DOCK9: variants seen among roughly 807,000 people sequenced by gnomAD.
DOCK9 encodes dedicator of cytokinesis 9.
A neutral mutation model predicts 263.3 loss-of-function variants in DOCK9; 89 were observed. The observed-to-expected ratio is 0.34, with a 90% CI of 0.28 to 0.40. The LOEUF (loss-of-function observed/expected upper bound fraction) is 0.40. Among genes scored for constraint, DOCK9 ranks in the 10% least tolerant of loss-of-function variants. The pLI is 1.00. For synonymous variants in DOCK9, 976 were observed against 973.1 expected (o/e 1.00, Z -0.06); for missense variants, 2,140 against 2,603.4 (o/e 0.82, Z 3.87).
intron 39 of DOCK9, among the ~76,000 whole-genome samples, chr13:98,835,367 G>A (rs940708343): frequency 3.3e-5 from 5 of 152,310 alleles, no homozygotes; most frequent in African/African-American, 7.2e-5. Context: ...TGGACCTCTC[G>A]TATCTGTGAG....
chr13:98,895,399 G>A (rs903501447), intron 15 of DOCK9, among the ~76,000 whole-genome samples: 4 of 152,120 alleles, frequency 2.6e-5, no homozygotes, highest in Non-Finnish European at 5.9e-5. Flanking sequence ...GGGCACGGTG[G>A]CTCATGCCTG....
At chr13:98,977,411 G>A (rs1875181931) in intron 1 of DOCK9, among the ~76,000 whole-genome samples, 1 of 152,098 alleles carries the variant, frequency 6.6e-6, no homozygotes, top group African/African-American at 2.4e-5. Flanking sequence ...CATAAATAAC[G>A]TAGAAAAGGT....
chr13:98,867,393 T>G, intron 30 of DOCK9, 32 bp downstream of exon 30: 1 of 1,181,600 alleles, frequency 8.5e-7, no homozygotes, highest in Admixed American at 2.1e-5. Flanking sequence ...TCTCTGTTTG[T>G]GAAAAGGTTA....
At chr13:99,084,032 A>C (rs892662366) in intron 1 of DOCK9, among the ~76,000 whole-genome samples, 1 of 152,226 alleles carries the variant, frequency 6.6e-6, no homozygotes, top group African/African-American at 2.4e-5. Context: ...TGCACAGACC[A>C]TGGGATTCTG....
chr13:98,993,053 T>G (rs1238731067), intron 1 of DOCK9, among the ~76,000 whole-genome samples: 2 of 151,938 alleles, frequency 1.3e-5, no homozygotes, highest in African/African-American at 2.4e-5. Context: ...GACAGAAAGG[T>G]AGGTGGAATC....
In DOCK9 at chr13:98,888,483, C is replaced by T. The variant is rs1277012825; in HGVS notation, c.1854G>A (p.Thr618=). The change falls in exon 17 of 53, where the codon ACG becomes ACA. Residue 618 remains threonine, a synonymous_variant. Coordinates refer to ENST00000682017, the MANE Select transcript of DOCK9 (RefSeq NM_001366683.2). ...QFETCSKTPI[T]FEVEEFVPCI... is the part of the protein sequence containing the mutation. ...AGGGCACAAATTCCTCCACTTCAAA[C>T]GTGATGGGAGTTTTACTGCAGGTTT... The T allele has an allele frequency of 4.3e-6, 7 of 1,613,954 alleles. No homozygotes were observed. The highest frequency in any genetic ancestry group is 1.1e-5 in the South Asian group (1 of 91,082).
intron 1 of DOCK9, among the ~76,000 whole-genome samples, chr13:99,027,989 T>C (rs1419209424): frequency 6.6e-6 from 1 of 152,206 alleles, no homozygotes; most frequent in Non-Finnish European, 1.5e-5. Context: ...ACACAGCACA[T>C]GCTTTGACTC....
chr13:98,802,115 G>A (rs2090183657), intron 49 of DOCK9, among the ~76,000 whole-genome samples: 1 of 152,154 alleles, frequency 6.6e-6, no homozygotes, highest in African/African-American at 2.4e-5. Flanking sequence ...GGGGAAGAGT[G>A]GGGCTGCCTT....
At chr13:98,856,718 T>A (rs934418839) in intron 33 of DOCK9, 2 of 152,196 alleles carry the variant, frequency 1.3e-5, no homozygotes, top group African/African-American at 4.8e-5. Context: ...AAAATAAAAT[T>A]AATTGTTTCC....
In DOCK9 at chr13:98,797,591, C is replaced by T. The variant is rs556848688; in HGVS notation, c.5917-102G>A. On this transcript the variant is annotated intron_variant, in intron 50 of 52. Transcript: ENST00000682017. ...GCACTAAAAAGCCCGTTCGCGTGAG[C>T]TACTCACAATCCCTGCCTTCCAGGA... The T allele has an allele frequency of 1.9e-4, 185 of 970,074 alleles. 2 individuals are homozygous for T. In the East Asian group the frequency reaches 4.8e-3, roughly 25 times the overall value. 60.1% of individuals were successfully genotyped at this position (970,074 alleles called of 1,614,324 possible).
chr13:99,078,174 C>G (rs2041986678), intron 1 of DOCK9, among the ~76,000 whole-genome samples: 1 of 152,056 alleles, frequency 6.6e-6, no homozygotes, highest in Non-Finnish European at 1.5e-5. Context: ...GGCAGGAAAA[C>G]AGAAAAGCAG....
chr13:98,896,750 G>A lies in DOCK9; in HGVS notation c.1709+738C>T, dbSNP rs78871114. 5.7e-3 allele frequency among the ~76,000 whole-genome samples: 866 copies of A among 152,270 alleles called. 11 individuals are homozygous for A. The highest frequency in any genetic ancestry group is 0.02 in the African/African-American group (829 of 41,558). On this transcript the variant is annotated intron_variant, in intron 15 of 52. Transcript: ENST00000682017. ...GTGAGACTGACTTGGGGAAGCTGCCGGCCCTGTGATGTTGCACACATTCCT... is the reference window on the plus strand; with the variant it reads ...GTGAGACTGACTTGGGGAAGCTGCCAGCCCTGTGATGTTGCACACATTCCT...
At chr13:99,051,370 C>A (rs1342398062) in intron 1 of DOCK9, among the ~76,000 whole-genome samples, 1 of 152,062 alleles carries the variant, frequency 6.6e-6, no homozygotes, top group Non-Finnish European at 1.5e-5. Context: ...GTCCCTGAAG[C>A]AGACAGAGCC....
intron 23 of DOCK9, among the ~76,000 whole-genome samples, 159 bp downstream of exon 23, chr13:98,882,883 G>C (rs1337387719): frequency 1.3e-5 from 2 of 152,140 alleles, no homozygotes; most frequent in African/African-American, 2.4e-5. Flanking sequence ...GCCGTTCCTA[G>C]GTCCACTTCT....
Position 98,915,623 on chromosome 13 carries a change from T to C in DOCK9, c.718-120A>G, listed in dbSNP as rs1381520401. ...GCATTTAGAACCAAGCTATTTTAAA[T>C]AGCTTGCCCCCTCCTCATGAAAGCC... On this transcript the variant is annotated intron_variant, in intron 7 of 52. Coordinates refer to ENST00000682017, the MANE Select transcript of DOCK9 (RefSeq NM_001366683.2). The C allele has an allele frequency of 6.3e-6, 6 of 953,960 alleles. No individual in the cohort carries two copies. In the South Asian group the frequency reaches 9.4e-5, roughly 15 times the overall value. 59.1% of individuals were successfully genotyped at this position (953,960 alleles called of 1,614,324 possible).
intron 9 of DOCK9, among the ~76,000 whole-genome samples, chr13:98,905,778 TAAAA>T (rs60175188): frequency 1.1e-4 from 16 of 148,396 alleles, no homozygotes; most frequent in African/African-American, 9.9e-5. Flanking sequence ...TGCTTTCACT[TAAAA>T]AAAAAAAAAA....
chr13:98,821,842 A>C (rs1005008368), intron 45 of DOCK9, among the ~76,000 whole-genome samples: 7 of 152,228 alleles, frequency 4.6e-5, no homozygotes, highest in Admixed American at 4.6e-4. Flanking sequence ...AGAACATCTC[A>C]GGCATTTAAT....
At chr13:99,067,024 T>A (rs1477364480) in intron 1 of DOCK9, among the ~76,000 whole-genome samples, 2 of 152,196 alleles carry the variant, frequency 1.3e-5, no homozygotes, top group Non-Finnish European at 2.9e-5. Context: ...GAAGGCTGAC[T>A]TCAGTCTTGA....
intron 2 of DOCK9, among the ~76,000 whole-genome samples, chr13:98,947,854 T>C (rs2056927527): frequency 6.6e-6 from 1 of 152,142 alleles, no homozygotes; most frequent in Non-Finnish European, 1.5e-5. Context: ...AGCCTAGACA[T>C]GAACTAATAT....
Sources: gnomAD v4.1 joint callset for allele counts (sites outside exome capture counted in the v4.1 genomes callset) on GRCh38, gnomAD v4.1.1 for gene constraint, MANE v1.5 for transcripts, NCBI Gene and HGNC (gene_info 2026-07-23, HGNC 2026-07-21) for gene names.